Variants in AGAP1 observed in about 807,000 individuals in gnomAD.
AGAP1 encodes arf-GAP with GTPase, ANK repeat and PH domain-containing protein 1.
Under a neutral mutation model 105.3 loss-of-function variants are expected in AGAP1, and 29 were observed. The ratio of observed to expected loss-of-function variants is 0.28; its 90% confidence interval spans 0.21 to 0.38. The LOEUF (loss-of-function observed/expected upper bound fraction) is 0.38, where lower values mean the gene tolerates loss of function less well. Ranked by LOEUF, AGAP1 falls within the 10% of genes least tolerant of loss-of-function variation. The pLI, the probability that AGAP1 is intolerant of heterozygous loss-of-function variation, is 1.00. For synonymous variants in AGAP1, 509 were observed against 485.9 expected, an observed-to-expected ratio of 1.05 and a Z score of -0.63; for missense variants, 998 against 1,165.1, an observed-to-expected ratio of 0.86 and a Z score of 2.09.
intron 15 of AGAP1, among the ~76,000 whole-genome samples, chr2:236,043,205 G>A (rs561316560): frequency 3.7e-4 from 56 of 152,270 alleles, no homozygotes; most frequent in Non-Finnish European, 5.3e-4. Flanking sequence ...GGGGCCTTTC[G>A]ACAATGTATA....
In AGAP1 at chr2:235,855,092, G is replaced by A. The variant is rs2048631334; in HGVS notation, c.1051-28253G>A. Among the ~76,000 whole-genome samples the A allele has an allele frequency of 6.6e-6, 1 of 152,194 alleles. No homozygotes were observed. The highest frequency in any genetic ancestry group is 1.5e-5 in the Non-Finnish European group (1 of 68,030). The stretch of plus-strand genomic sequence containing the variant: ...TGGACCCTTATTTCGTGAAGGAACA[G>A]AAAAGTAGAAAAGGTTTAAAGGCAA... On this transcript the variant is annotated intron_variant, in intron 9 of 17. Transcript: ENST00000304032. The surrounding 1 kb of genome is among the most constrained non-coding windows in gnomAD (Gnocchi z 5.0).
chr2:236,020,590 CTT>C lies in AGAP1; in HGVS notation c.1646-15968_1646-15967del, dbSNP rs2056851821. 6.6e-6 allele frequency among the ~76,000 whole-genome samples: 1 copy of C among 152,160 alleles called. No individual in the cohort carries two copies. Among genetic ancestry groups the C allele is most frequent in the Admixed American group, 6.5e-5 (1 of 15,270 alleles). ...CCTGGGTCTGTCCTTCCTCTCTGTT[CTT>C]TTCTTCCTCGCATGCAGACAATAAA... On this transcript the variant is annotated intron_variant, in intron 13 of 17. Transcript: ENST00000304032. This position sits in a 1 kb window ranked among gnomAD's most constrained non-coding sequence, Gnocchi z 5.0.
chr2:235,649,527 C>G (rs1295352836), intron 1 of AGAP1, among the ~76,000 whole-genome samples: 1 of 152,158 alleles, frequency 6.6e-6, no homozygotes, highest in Non-Finnish European at 1.5e-5. Context: ...GTGCGCATCT[C>G]TACACTCAGC....
chr2:235,969,631 A>G (rs1223502100), intron 13 of AGAP1, among the ~76,000 whole-genome samples: 1 of 152,170 alleles, frequency 6.6e-6, no homozygotes, highest in Non-Finnish European at 1.5e-5. Flanking sequence ...CAGTGGCTAC[A>G]TTAGAGGGAG....
chr2:235,575,446 G>A (rs1944700656), intron 1 of AGAP1, among the ~76,000 whole-genome samples: 1 of 152,262 alleles, frequency 6.6e-6, no homozygotes, highest in Non-Finnish European at 1.5e-5. Flanking sequence ...AAGCCACAAA[G>A]GTGGTGCATG....
intron 1 of AGAP1, among the ~76,000 whole-genome samples, chr2:235,630,247 T>G (rs1946783160): frequency 6.6e-6 from 1 of 152,176 alleles, no homozygotes; most frequent in South Asian, 2.1e-4. Flanking sequence ...AAAGTCTTGC[T>G]CTGTTGCCCA....
intron 1 of AGAP1, among the ~76,000 whole-genome samples, chr2:235,618,238 G>A (rs1946369288): frequency 6.6e-6 from 1 of 152,100 alleles, no homozygotes; most frequent in South Asian, 2.1e-4. Flanking sequence ...AAATACATGG[G>A]ATGCTAGCAA....
chr2:235,683,357 A>C (rs186176224), intron 1 of AGAP1, among the ~76,000 whole-genome samples: 11 of 152,266 alleles, frequency 7.2e-5, no homozygotes, highest in Non-Finnish European at 7.4e-5. Context: ...CCTTGGAAAG[A>C]AGTAACTATT....
At chr2:235,909,892 G>A (rs1263964289) in intron 11 of AGAP1, among the ~76,000 whole-genome samples, 1 of 151,788 alleles carries the variant, frequency 6.6e-6, no homozygotes, top group Non-Finnish European at 1.5e-5. Flanking sequence ...GTGGTAGCAG[G>A]TGCCTGTAAT....
At chr2:235,840,980 G>C (rs1575594032) in intron 9 of AGAP1, among the ~76,000 whole-genome samples, 1 of 152,002 alleles carries the variant, frequency 6.6e-6, no homozygotes, top group South Asian at 2.1e-4. Flanking sequence ...TTGAGAGACT[G>C]TTCTCCTAGG....
chr2:235,844,849 G>T (rs77249655), intron 9 of AGAP1, among the ~76,000 whole-genome samples: 4,377 of 152,242 alleles, frequency 0.029, 192 homozygotes, highest in African/African-American at 0.097. Flanking sequence ...GCCCGAGGGG[G>T]TGCCTCTTTT....
chr2:236,020,686 C>T lies in AGAP1; in HGVS notation c.1646-15875C>T, dbSNP rs572883533. The stretch of plus-strand genomic sequence containing the variant: ...GTGAAGTGCTTCCCACAGAGCTGGG[C>T]ACATAGGGAAGCTGGCCGCCGTGGC... On this transcript the variant is annotated intron_variant, in intron 13 of 17. Transcript: ENST00000304032. The surrounding 1 kb of genome is among the most constrained non-coding windows in gnomAD (Gnocchi z 5.0). 3.9e-5 allele frequency among the ~76,000 whole-genome samples: 6 copies of T among 152,290 alleles called. No homozygotes were observed. The South Asian group carries it at 1.2e-3, about 32-fold the overall frequency.
chr2:235,804,315 C>T (rs1957731115), intron 8 of AGAP1, among the ~76,000 whole-genome samples: 1 of 152,098 alleles, frequency 6.6e-6, no homozygotes, highest in Non-Finnish European at 1.5e-5. Context: ...AAAAGCTTAC[C>T]ATATAATGTT....
At chr2:235,772,291 C>G (rs1955522751) in intron 6 of AGAP1, among the ~76,000 whole-genome samples, 2 of 152,144 alleles carry the variant, frequency 1.3e-5, no homozygotes, top group Admixed American at 1.3e-4. Context: ...CACACCCAAC[C>G]CCAGATATTT....
At position 235,692,733 on chromosome 2, in the gene AGAP1, C is replaced by T. The variant is rs1226005920; in HGVS notation, c.164-16446C>T. Among the ~76,000 whole-genome samples the T allele has an allele frequency of 6.6e-6, 1 of 152,318 alleles. No individual in the cohort carries two copies. Among genetic ancestry groups the T allele is most frequent in the African/African-American group, 2.4e-5 (1 of 41,560 alleles). The stretch of plus-strand genomic sequence containing the variant: ...CCCTGCTTATCCTTCCCTGCCGCCT[C>T]GTGTGTCCTGCATGGCATTTGTTAC... On this transcript the variant is annotated intron_variant, in intron 1 of 17. Coordinates refer to ENST00000304032, the MANE Select transcript of AGAP1 (RefSeq NM_001037131.3). This position sits in a 1 kb window ranked among gnomAD's most constrained non-coding sequence, Gnocchi z 5.8.
In AGAP1 at chr2:236,038,305, G is replaced by A. The variant is rs145259231; in HGVS notation, c.1800+1590G>A. Among the ~76,000 whole-genome samples, 3,216 of 152,268 alleles carry A rather than the reference G, an allele frequency of 0.021. 41 individuals carry two copies. The highest frequency in any genetic ancestry group is 0.03 in the Non-Finnish European group (2,019 of 68,018). On this transcript the variant is annotated intron_variant, in intron 14 of 17. Transcript: ENST00000304032. The surrounding 1 kb of genome is among the most constrained non-coding windows in gnomAD (Gnocchi z 4.5). ...AGGCAGGGAGGCAGGCTGTGTTACC[G>A]AACAGAGAGGCACAGGTTCCTGCCT...
At chr2:235,818,819 C>G (rs563304337) in intron 9 of AGAP1, among the ~76,000 whole-genome samples, 2 of 152,376 alleles carry the variant, frequency 1.3e-5, no homozygotes, top group African/African-American at 4.8e-5. Flanking sequence ...GGTGATCCAC[C>G]TGCCTCGGCC....
intron 1 of AGAP1, among the ~76,000 whole-genome samples, chr2:235,619,774 A>G (rs1210986429): frequency 1.3e-5 from 2 of 152,238 alleles, no homozygotes; most frequent in Admixed American, 1.3e-4. Context: ...GAATTGCTGC[A>G]CATTGTCCCA....
rs117996009 is a variant in AGAP1 at position 235,697,947 on chromosome 2, G to A, written c.164-11232G>A. Among the ~76,000 whole-genome samples the A allele has an allele frequency of 7.4e-4, 112 of 152,296 alleles. 1 individual carries two copies. The East Asian group carries it at 0.019, about 26-fold the overall frequency. ...ATACAGTGGCTCTTGCATACTACCA[G>A]CATCTAAGCTGCAGTCGAAATTATC... is the stretch of plus-strand genomic sequence containing the variant. On this transcript the variant is annotated intron_variant, in intron 1 of 17. Coordinates refer to ENST00000304032, the MANE Select transcript of AGAP1 (RefSeq NM_001037131.3).
Sources: allele counts gnomAD v4.1 joint callset (sites outside exome capture counted in the v4.1 genomes callset), GRCh38; gene constraint gnomAD v4.1.1; non-coding constraint Gnocchi (gnomAD v3.1); transcripts MANE v1.5; gene names NCBI Gene and HGNC (gene_info 2026-07-23, HGNC 2026-07-21).